Variants in MEIOB observed in about 807,000 individuals in gnomAD.
MEIOB encodes the protein meiosis specific with OB-fold.
Under a neutral mutation model 53.1 loss-of-function variants are expected in MEIOB, and 50 were observed. The ratio of observed to expected loss-of-function variants is 0.94; its 90% CI spans 0.75 to 1.19. The LOEUF is 1.19. MEIOB is among the 50% of genes most tolerant of loss of function. The pLI is 0.00. For synonymous variants in MEIOB, 192 were observed against 182.5 expected (o/e 1.05, Z -0.42); for missense variants, 551 against 550.8 (o/e 1.00, Z 0.00).
Position 1,857,891 on chromosome 16 carries a change from T to C in MEIOB, c.372A>G (p.Val124=). 1 of 1,551,244 alleles carries C rather than the reference T, an allele frequency of 6.4e-7. No homozygotes were observed. The highest frequency in any genetic ancestry group is 8.7e-7 in the Non-Finnish European group (1 of 1,146,778). ...CCACTTCATAACTGGAACAAACTTT[T>C]ACTGTTGAGTGATTCTCACTGAGCA... is the stretch of plus-strand genomic sequence containing the variant. ...KLLLSENHST[V]KVCSSYEVDT... The change falls in exon 6 of 14, where the codon GTA becomes GTG. Residue 124 remains valine (V), a synonymous_variant. Transcript: ENST00000325962.
At chr16:1,837,235 T>A (rs781494113) in intron 13 of MEIOB, among the ~76,000 whole-genome samples, 15 of 151,774 alleles carry the variant, frequency 9.9e-5, no homozygotes, top group Admixed American at 1.3e-4. Context: ...CAGGCTGAGG[T>A]GTGGTGGGAT....
At chr16:1,863,290 C>T (rs923796141) in intron 3 of MEIOB, among the ~76,000 whole-genome samples, 1 of 151,706 alleles carries the variant, frequency 6.6e-6, no homozygotes, top group African/African-American at 2.4e-5. Flanking sequence ...CTCCCAGCAG[C>T]TGGGACTCAG....
chr16:1,867,377 C>A (rs1480441053), intron 2 of MEIOB, among the ~76,000 whole-genome samples: 1 of 150,608 alleles, frequency 6.6e-6, no homozygotes, highest in East Asian at 1.9e-4. Flanking sequence ...AAACCTATAT[C>A]ATAAAAGCAG....
At chr16:1,854,403 A>G (rs1899246685) in intron 6 of MEIOB, among the ~76,000 whole-genome samples, 1 of 152,268 alleles carries the variant, frequency 6.6e-6, no homozygotes, top group Non-Finnish European at 1.5e-5. Flanking sequence ...GTCACACAAC[A>G]CTTTGAAGAG....
chr16:1,853,616 T>C lies in MEIOB; in HGVS notation c.630-345A>G, dbSNP rs191236708. ...ATGAAGGTGAGTGTCCCCCAGTGGA[T>C]AAACTGCTCAGGGGCCTTGATGGGT... On this transcript the variant is annotated intron_variant, in intron 7 of 13. Transcript: ENST00000325962. Among the ~76,000 whole-genome samples, 54 of 152,350 alleles carry C rather than the reference T, an allele frequency of 3.5e-4. 1 individual carries two copies. In the East Asian group the frequency reaches 5.6e-3, roughly 16 times the overall value.
At chr16:1,864,482 CTTTTCTTTTTTTT>C (rs1375658956) in intron 3 of MEIOB, among the ~76,000 whole-genome samples, 80 of 35,408 alleles carry the variant, frequency 2.3e-3, no homozygotes, top group African/African-American at 8.2e-3. Context: ...ATTTCTTTTT[CTTTTCTTTTTTTT>C]TTTTTTTTTT....
At chr16:1,835,929 G>A (rs939581925) in intron 13 of MEIOB, among the ~76,000 whole-genome samples, 3 of 148,502 alleles carry the variant, frequency 2.0e-5, no homozygotes, top group Admixed American at 6.8e-5. Flanking sequence ...GTGAGATCTC[G>A]GCTCACTGCA....
In MEIOB at chr16:1,871,603, C is replaced by T. The variant is rs192637484; in HGVS notation, c.-10+390G>A. On this transcript the variant is annotated intron_variant, in intron 1 of 13. Transcript: ENST00000325962. Reference sequence around the variant, plus strand: ...GCAATGGTGCGATCTTGGTTCACTGCAACCTCCACCTCCCGGGTTCTAGCG... The same window carrying T: ...GCAATGGTGCGATCTTGGTTCACTGTAACCTCCACCTCCCGGGTTCTAGCG... Among the ~76,000 whole-genome samples, 379 of 137,612 alleles carry T rather than the reference C, an allele frequency of 2.8e-3. 2 individuals are homozygous for T. The highest frequency in any genetic ancestry group is 0.02 in the Middle Eastern group (5 of 250). The allele number at this position is 137,612 out of a possible 152,430, so 90.3% of individuals were successfully genotyped here.
At chr16:1,869,430 T>C (rs1742447) in intron 1 of MEIOB, among the ~76,000 whole-genome samples, 123,550 of 150,380 alleles carry the variant, frequency 0.82, 50,802 homozygotes, top group Middle Eastern at 0.88. Context: ...TTTAGAGTTT[T>C]ACATGCAAGA....
intron 9 of MEIOB, among the ~76,000 whole-genome samples, chr16:1,849,024 C>T (rs1435721281): frequency 1.3e-5 from 2 of 152,134 alleles, no homozygotes; most frequent in Admixed American, 1.3e-4. Flanking sequence ...GTGGCTCAGG[C>T]CTGTAATCCC....
At chr16:1,860,237 A>G (rs901481260) in intron 5 of MEIOB, among the ~76,000 whole-genome samples, 166 bp downstream of exon 5, 3 of 152,374 alleles carry the variant, frequency 2.0e-5, no homozygotes, top group African/African-American at 7.2e-5. Context: ...CTCTGTATCA[A>G]AGTAAATTAT....
At chr16:1,847,599 AGAGGGGAGGG>A (rs987332955) in intron 9 of MEIOB, among the ~76,000 whole-genome samples, 3 of 149,214 alleles carry the variant, frequency 2.0e-5, no homozygotes, top group East Asian at 2.1e-4. Flanking sequence ...AGAAAAGAGA[AGAGGGGAGGG>A]GAGGGGAGGG....
intron 4 of MEIOB, 87 bp from the exon 5 acceptor site, chr16:1,860,562 GATC>G (rs1178971252): frequency 1.4e-6 from 1 of 699,310 alleles, no homozygotes; most frequent in Non-Finnish European, 2.4e-6. Flanking sequence ...TTTAATTTAT[GATC>G]ATCATCGACT....
chr16:1,859,728 T>C (rs965541892), intron 5 of MEIOB, among the ~76,000 whole-genome samples: 1 of 151,938 alleles, frequency 6.6e-6, no homozygotes, highest in Non-Finnish European at 1.5e-5. Context: ...GTAAATGCTG[T>C]AGACTGCTGT....
Position 1,862,117 on chromosome 16 carries a change from C to A in MEIOB, c.128-1G>T. 6.5e-7 allele frequency: 1 copy of A among 1,549,252 alleles called. No homozygotes were observed. Among genetic ancestry groups the A allele is most frequent in the South Asian group, 1.2e-5 (1 of 83,398 alleles). ...AAAGTGTACCTTTCTGATCCAATAT[C>A]TAAGGGAAAACCAATGCTTTTATTT... On this transcript the variant is annotated splice_acceptor_variant, in intron 3 of 13. Coordinates refer to ENST00000325962, the MANE Select transcript of MEIOB (RefSeq NM_001163560.3). LOFTEE classifies it high-confidence loss of function.
intron 2 of MEIOB, among the ~76,000 whole-genome samples, chr16:1,866,450 T>G (rs380878): frequency 0.83 from 125,555 of 152,132 alleles, 51,932 homozygotes; most frequent in Middle Eastern, 0.9. Flanking sequence ...GCCGGGTGTG[T>G]TGGCTCACAC....
At chr16:1,859,229 T>A (rs1448547292) in intron 5 of MEIOB, among the ~76,000 whole-genome samples, 3 of 152,194 alleles carry the variant, frequency 2.0e-5, no homozygotes, top group African/African-American at 7.2e-5. Flanking sequence ...GAAAGTTCTA[T>A]GCAGAGAGAG....
chr16:1,858,774 G>T (rs1369049256), intron 5 of MEIOB, among the ~76,000 whole-genome samples: 2 of 152,114 alleles, frequency 1.3e-5, no homozygotes, highest in Non-Finnish European at 2.9e-5. Flanking sequence ...TTATGAAATT[G>T]GTATTTCTAG....
At chr16:1,849,148 C>G (rs1025077856) in intron 9 of MEIOB, among the ~76,000 whole-genome samples, 1 of 151,864 alleles carries the variant, frequency 6.6e-6, no homozygotes, top group African/African-American at 2.4e-5. Context: ...AGGCTGGGCA[C>G]AGTGGCTCAC....
Sources: gnomAD v4.1 joint callset for allele counts (sites outside exome capture counted in the v4.1 genomes callset) on GRCh38, gnomAD v4.1.1 for gene constraint, MANE v1.5 for transcripts, NCBI Gene and HGNC (gene_info 2026-07-23, HGNC 2026-07-21) for gene names.